The following CDC42BPA variants were observed in gnomAD, a reference collection of about 807,000 sequenced individuals.
CDC42BPA encodes serine/threonine-protein kinase MRCK alpha.
CDC42BPA carries 80 observed loss-of-function variants against 223.5 expected under a neutral mutation model. The observed-to-expected ratio is 0.36, with a 90% CI of 0.30 to 0.43. The LOEUF is 0.43. Among genes scored for constraint, CDC42BPA ranks in the 20% least tolerant of loss-of-function variants. The pLI is 1.00. For synonymous variants in CDC42BPA, 694 were observed against 718.6 expected (o/e 0.97, Z 0.55); for missense variants, 1,743 against 2,099.9 (o/e 0.83, Z 3.32).
intron 12 of CDC42BPA, 90 bp from the exon 13 acceptor site, chr1:227,113,003 G>A (rs1297209863): frequency 2.4e-6 from 3 of 1,239,926 alleles, no homozygotes; most frequent in Non-Finnish European, 3.4e-6. Context: ...AAGTCAAGAA[G>A]AGCCAAAATT....
At chr1:227,004,890 A>T (rs1314276561) in intron 35 of CDC42BPA, 104 bp downstream of exon 35, 1 of 827,982 alleles carries the variant, frequency 1.2e-6, no homozygotes, top group Admixed American at 1.7e-5. Context: ...TTGAGAATGC[A>T]ATGGGCACAC....
Position 227,318,483 on chromosome 1 carries a change from G to A in CDC42BPA, c.-1301C>T, listed in dbSNP as rs1392162686. 6.6e-6 allele frequency: 1 copy of A among 152,224 alleles called. No individual in the cohort carries two copies. The highest frequency in any genetic ancestry group is 2.4e-5 in the African/African-American group (1 of 41,398). The allele number at this position is 152,224 out of a possible 1,614,324, so 9.4% of individuals were successfully genotyped here. ...AGGCGGAGGCTTGCGGACGAGTCTG[G>A]ATCCAATATGGCGGCCTGGCCCCCC... On this transcript the variant is annotated 5_prime_UTR_variant, in exon 1 of 37. Coordinates refer to ENST00000366766, the MANE Select transcript of CDC42BPA (RefSeq NM_001394014.1).
Position 227,193,775 on chromosome 1 carries a change from G to A in CDC42BPA, c.599+11C>T, listed in dbSNP as rs1375755851. 3 of 1,581,524 alleles carry A rather than the reference G, an allele frequency of 1.9e-6. No homozygotes were observed. Among genetic ancestry groups the A allele is most frequent in the African/African-American group, 1.4e-5 (1 of 73,660 alleles). ...TAACTCACAGCCAGGTACAATGAAG[G>A]ACTGTTTTACCTGTGTACATAATGT... On this transcript the variant is annotated intron_variant, in intron 5 of 36. Transcript: ENST00000366766.
chr1:227,198,454 AAAAG>A (rs1288100401), intron 4 of CDC42BPA, among the ~76,000 whole-genome samples: 9 of 135,358 alleles, frequency 6.6e-5, no homozygotes, highest in South Asian at 4.8e-4. Context: ...AAAAAAAAAG[AAAAG>A]AAAGAAAGAA....
chr1:227,188,119 C>T (rs955308105), intron 5 of CDC42BPA, among the ~76,000 whole-genome samples: 1 of 151,940 alleles, frequency 6.6e-6, no homozygotes, highest in African/African-American at 2.4e-5. Context: ...AAACTTTTAC[C>T]TTTTATTTTT....
chr1:227,018,761 C>T (rs148691100), intron 32 of CDC42BPA, among the ~76,000 whole-genome samples: 2 of 152,224 alleles, frequency 1.3e-5, no homozygotes, highest in Non-Finnish European at 2.9e-5. Flanking sequence ...TTTTGGTCTT[C>T]CAGTGCATAT....
chr1:226,994,996 C>T lies in CDC42BPA; in HGVS notation c.4976-16G>A, dbSNP rs1339984227. 1 of 1,606,022 alleles carries T rather than the reference C, an allele frequency of 6.2e-7. No individual in the cohort carries two copies. Among genetic ancestry groups the T allele is most frequent in the African/African-American group, 1.3e-5 (1 of 74,754 alleles). On this transcript the variant is annotated splice_polypyrimidine_tract_variant and intron_variant, in intron 35 of 36. Coordinates refer to ENST00000366766, the MANE Select transcript of CDC42BPA (RefSeq NM_001394014.1). This position sits in a 1 kb window ranked among gnomAD's most constrained non-coding sequence, Gnocchi z 4.0. ...GCGGATGACCCTACAGTACATCATG[C>T]AGGCAAAATTTTACATATGCAGAGG... is the stretch of plus-strand genomic sequence containing the variant.
intron 19 of CDC42BPA, among the ~76,000 whole-genome samples, chr1:227,072,501 T>C (rs1266269575): frequency 6.6e-6 from 1 of 151,978 alleles, no homozygotes; most frequent in Non-Finnish European, 1.5e-5. Flanking sequence ...GCCAATCTCA[T>C]TCATTTAAGT....
At chr1:227,088,247 G>C (rs1404921323) in intron 16 of CDC42BPA, among the ~76,000 whole-genome samples, 2 of 152,182 alleles carry the variant, frequency 1.3e-5, no homozygotes, top group Admixed American at 6.5e-5. Flanking sequence ...GAGAGTTATT[G>C]TGAAAATTAA....
chr1:227,297,961 T>TAC (rs202216465), intron 1 of CDC42BPA, among the ~76,000 whole-genome samples: 1 of 96,102 alleles, frequency 1.0e-5, no homozygotes, highest in Admixed American at 1.1e-4. Context: ...TGTGTATATA[T>TAC]ACATATACAC....
chr1:226,998,047 G>C (rs1661998375), intron 35 of CDC42BPA, among the ~76,000 whole-genome samples: 2 of 152,092 alleles, frequency 1.3e-5, no homozygotes, highest in African/African-American at 2.4e-5. Flanking sequence ...CATTACAATT[G>C]CTACAAACAG....
chr1:227,274,224 C>T (rs1446994053), intron 1 of CDC42BPA, among the ~76,000 whole-genome samples: 1 of 152,054 alleles, frequency 6.6e-6, no homozygotes, highest in Middle Eastern at 3.2e-3. Context: ...GCCACATCTC[C>T]ACAAAAATTC....
chr1:227,052,456 A>G (rs1166026852), intron 21 of CDC42BPA, among the ~76,000 whole-genome samples: 1 of 152,186 alleles, frequency 6.6e-6, no homozygotes, highest in Non-Finnish European at 1.5e-5. Flanking sequence ...TGTGCAGGAC[A>G]CTAAAGTAAG....
At chr1:227,174,108 C>T (rs1212776919) in intron 5 of CDC42BPA, among the ~76,000 whole-genome samples, 1 of 152,102 alleles carries the variant, frequency 6.6e-6, no homozygotes, top group Non-Finnish European at 1.5e-5. Flanking sequence ...TATAGATGGT[C>T]CCTAACTTAC....
chr1:227,248,260 TAAAC>T (rs1264026596), intron 2 of CDC42BPA, among the ~76,000 whole-genome samples: 4 of 152,140 alleles, frequency 2.6e-5, no homozygotes, highest in East Asian at 1.9e-4. Context: ...CTAGAGCAAT[TAAAC>T]AAGAGAAAGA....
chr1:227,053,358 A>G (rs553596183), intron 21 of CDC42BPA, among the ~76,000 whole-genome samples: 1 of 152,278 alleles, frequency 6.6e-6, no homozygotes, highest in Admixed American at 6.5e-5. Flanking sequence ...GTAACCACAA[A>G]GCCACCACCA....
chr1:227,033,889 T>G (rs1451006803), intron 26 of CDC42BPA, among the ~76,000 whole-genome samples: 1 of 152,224 alleles, frequency 6.6e-6, no homozygotes, highest in African/African-American at 2.4e-5. Context: ...GCTTGACACC[T>G]TAGTCCTATT....
chr1:227,223,627 C>A (rs12565666), intron 2 of CDC42BPA, among the ~76,000 whole-genome samples: 7 of 152,288 alleles, frequency 4.6e-5, no homozygotes, highest in African/African-American at 1.7e-4. Flanking sequence ...AAATCTAGCA[C>A]CTCCCTTTGT....
intron 1 of CDC42BPA, among the ~76,000 whole-genome samples, chr1:227,278,474 T>C (rs1053543808): frequency 1.3e-5 from 2 of 152,202 alleles, no homozygotes; most frequent in African/African-American, 4.8e-5. Context: ...AAGGGAATAC[T>C]AGGAAGTTAA....
Sources: gnomAD v4.1 joint callset for allele counts (sites outside exome capture counted in the v4.1 genomes callset) on GRCh38, gnomAD v4.1.1 for gene constraint, Gnocchi (gnomAD v3.1) non-coding constraint, MANE v1.5 for transcripts, NCBI Gene and HGNC (gene_info 2026-07-23, HGNC 2026-07-21) for gene names.